Variants in ZHX3 observed in about 807,000 individuals in gnomAD.
The protein encoded by ZHX3 is zinc fingers and homeoboxes protein 3.
A neutral mutation model predicts 64.5 loss-of-function variants in ZHX3; 20 were observed. That is an observed-to-expected ratio of 0.31 (90% CI 0.22 to 0.45). The LOEUF (loss-of-function observed/expected upper bound fraction) is 0.45. Among genes scored for constraint, ZHX3 ranks in the 20% least tolerant of loss-of-function variants. ZHX3 has a pLI of 1.00. For synonymous variants in ZHX3, 423 were observed against 461.6 expected, an observed-to-expected ratio of 0.92 and a Z score of 1.07; for missense variants, 1,041 against 1,195.8, an observed-to-expected ratio of 0.87 and a Z score of 1.91.
At position 41,204,432 on chromosome 20, in the gene ZHX3, G is replaced by A. The variant is rs2146244074; in HGVS notation, c.485C>T (p.Pro162Leu). 1 of 1,614,202 alleles carries A rather than the reference G, an allele frequency of 6.2e-7. No homozygotes were observed. Among genetic ancestry groups the A allele is most frequent in the Non-Finnish European group, 8.5e-7 (1 of 1,180,046 alleles). ...EQSIPESTST[P>L]DLAGEPSAEG... ...AGCACTGGGCTCACCCGCTAGGTCA[G>A]GAGTGCTGGTGCTCTCAGGGATGCT... The change falls in exon 3 of 4, where the codon CCT becomes CTT. Residue 162 changes from proline to leucine, a missense_variant. By Grantham distance (98) the Pro-to-Leu change is moderately conservative (BLOSUM62 -3). This residue lies in a region of ZHX3 where 358 missense variants were observed against 369.1 expected (regional missense o/e 0.97). Transcript: ENST00000683867. This position sits in a 1 kb window ranked among gnomAD's most constrained non-coding sequence, Gnocchi z 6.6.
rs554644575 is a variant in ZHX3, at chr20:41,260,092, G to T, written c.-151+8898C>A. Among the ~76,000 whole-genome samples the T allele has an allele frequency of 4.0e-5, 6 of 151,650 alleles. No individual in the cohort carries two copies. In the South Asian group the frequency reaches 1.2e-3, roughly 31 times the overall value. On this transcript the variant is annotated intron_variant, in intron 2 of 3. Transcript: ENST00000683867. Reference sequence around the variant, plus strand: ...CTCCATGGATACAATAATGTAATTTGCTAATACTCATTTCTAATAAAAATA... The same window carrying T: ...CTCCATGGATACAATAATGTAATTTTCTAATACTCATTTCTAATAAAAATA...
At position 41,257,612 on chromosome 20, in the gene ZHX3, CT is replaced by C. The variant is rs1223401714; in HGVS notation, c.-151+11377del. Among the ~76,000 whole-genome samples, 297 of 137,800 alleles carry C rather than the reference CT, an allele frequency of 2.2e-3. 1 individual carries two copies. Among genetic ancestry groups the C allele is most frequent in the African/African-American group, 2.2e-3 (84 of 37,932 alleles). The allele number at this position is 137,800 out of a possible 152,430, so 90.4% of individuals were successfully genotyped here. On this transcript the variant is annotated intron_variant, in intron 2 of 3. Coordinates refer to ENST00000683867, the MANE Select transcript of ZHX3 (RefSeq NM_001384317.1). ...TGTCAGGATTTGTTTTCTTTTCTTT[CT>C]TTTTTTTTTTTTTTTTGAGACAGAG...
intron 2 of ZHX3, among the ~76,000 whole-genome samples, chr20:41,248,374 T>A (rs1483085996): frequency 6.6e-6 from 1 of 152,186 alleles, no homozygotes. Flanking sequence ...GCTAAAAGTA[T>A]AACAACACTC....
intron 2 of ZHX3, among the ~76,000 whole-genome samples, chr20:41,241,111 A>G (rs1448977093): frequency 6.6e-6 from 1 of 152,128 alleles, no homozygotes; most frequent in Non-Finnish European, 1.5e-5. Flanking sequence ...ACAGTGGGAA[A>G]TTACATTCCC....
chr20:41,190,688 T>C lies in ZHX3; in HGVS notation c.2861-5487A>G, dbSNP rs537068487. On this transcript the variant is annotated intron_variant, in intron 3 of 3. Coordinates refer to ENST00000683867, the MANE Select transcript of ZHX3 (RefSeq NM_001384317.1). The stretch of plus-strand genomic sequence containing the variant: ...GTTAAATGTCATGTTTTCACTTCCA[T>C]GTTTAGGACTCTTGTGAGCATTTCT... Among the ~76,000 whole-genome samples, 65 of 152,346 alleles carry C rather than the reference T, an allele frequency of 4.3e-4. No homozygotes were observed. The South Asian group carries it at 7.5e-3, about 17-fold the overall frequency.
In ZHX3 at chr20:41,203,173, C is replaced by A; in HGVS notation, c.1744G>T (p.Val582Phe). ...PEVSFSPSSKVPEVTCIPTTA... is the reference protein window; with the variant it reads ...PEVSFSPSSKFPEVTCIPTTA... The stretch of plus-strand genomic sequence containing the variant: ...GTCGGAATGCAGGTTACCTCAGGGA[C>A]CTTGGACGATGGGGAGAAGGACACC... The change falls in exon 3 of 4, where the codon GTC becomes TTC. Residue 582 changes from valine to phenylalanine, a missense_variant. Val to Phe is a conservative substitution (Grantham distance 50). Around this residue, in one of 4 missense-constraint regions of ZHX3, gnomAD observed 649 missense variants for 739.8 expected, o/e 0.88. Transcript: ENST00000683867. This position sits in a 1 kb window ranked among gnomAD's most constrained non-coding sequence, Gnocchi z 7.1. 6.2e-7 allele frequency: 1 copy of A among 1,614,072 alleles called. No individual in the cohort carries two copies. The highest frequency in any genetic ancestry group is 8.5e-7 in the Non-Finnish European group (1 of 1,180,022).
chr20:41,269,442 C>A (rs1277739253), intron 1 of ZHX3: 1 of 152,152 alleles, frequency 6.6e-6, no homozygotes, highest in East Asian at 1.9e-4. Flanking sequence ...CAAGGATGTG[C>A]TATTTTCTGA....
chr20:41,297,810 T>C (rs2044610075), intron 1 of ZHX3, among the ~76,000 whole-genome samples: 1 of 152,226 alleles, frequency 6.6e-6, no homozygotes, highest in African/African-American at 2.4e-5. Context: ...GTCTGTGCTG[T>C]CCAGGTGTCC....
intron 2 of ZHX3, among the ~76,000 whole-genome samples, chr20:41,205,866 C>T (rs994044506): frequency 3.9e-5 from 6 of 152,172 alleles, no homozygotes; most frequent in African/African-American, 1.4e-4. Flanking sequence ...GTCCCTGACC[C>T]CTGAGTAGCC....
At chr20:41,237,122 A>G (rs561005029) in intron 2 of ZHX3, among the ~76,000 whole-genome samples, 10 of 152,288 alleles carry the variant, frequency 6.6e-5, no homozygotes, top group East Asian at 5.8e-4. Flanking sequence ...AACAGGTGCT[A>G]GAGAGGATCT....
chr20:41,192,465 G>T (rs1020092263), intron 3 of ZHX3, among the ~76,000 whole-genome samples: 1 of 152,232 alleles, frequency 6.6e-6, no homozygotes, highest in Non-Finnish European at 1.5e-5. Context: ...TTCCATTGGA[G>T]AGCACAGGGT....
chr20:41,229,615 C>T (rs1468115372), intron 2 of ZHX3, among the ~76,000 whole-genome samples: 1 of 151,988 alleles, frequency 6.6e-6, no homozygotes, highest in Non-Finnish European at 1.5e-5. Flanking sequence ...GGGTGTGAGG[C>T]TGTATCTCAC....
intron 2 of ZHX3, among the ~76,000 whole-genome samples, chr20:41,230,640 A>ATTG: frequency 6.6e-6 from 1 of 152,210 alleles, no homozygotes; most frequent in East Asian, 1.9e-4. Context: ...ACATGTTAAA[A>ATTG]TATTAGTATT....
intron 2 of ZHX3, among the ~76,000 whole-genome samples, chr20:41,246,905 C>CAA (rs902520812): frequency 8.1e-6 from 1 of 122,884 alleles, no homozygotes; most frequent in African/African-American, 3.3e-5. Context: ...AACAAACAAA[C>CAA]AAAAAAAACT....
intron 1 of ZHX3, among the ~76,000 whole-genome samples, chr20:41,313,692 G>A (rs1465601362): frequency 6.7e-6 from 1 of 150,034 alleles, no homozygotes; most frequent in Non-Finnish European, 1.5e-5. Flanking sequence ...CCGCCTCCTG[G>A]GTTCACGCCA....
At chr20:41,189,854 T>A (rs981464271) in intron 3 of ZHX3, among the ~76,000 whole-genome samples, 14 of 152,182 alleles carry the variant, frequency 9.2e-5, no homozygotes, top group Admixed American at 3.3e-4. Context: ...GAACTTCCAG[T>A]ACTATGCTGA....
intron 1 of ZHX3, among the ~76,000 whole-genome samples, chr20:41,280,852 A>G (rs551705587): frequency 1.3e-5 from 2 of 152,318 alleles, no homozygotes; most frequent in African/African-American, 4.8e-5. Flanking sequence ...GGAAAGGAGG[A>G]TAAATCTAGA....
intron 1 of ZHX3, among the ~76,000 whole-genome samples, chr20:41,301,911 G>A (rs953816552): frequency 2.6e-5 from 4 of 151,338 alleles, no homozygotes; most frequent in African/African-American, 4.9e-5. Flanking sequence ...AAAATTAGCC[G>A]GGCGTAGTGG....
intron 1 of ZHX3, among the ~76,000 whole-genome samples, chr20:41,316,223 T>C (rs1483187983): frequency 6.6e-6 from 1 of 152,218 alleles, no homozygotes; most frequent in East Asian, 1.9e-4. Context: ...TTTGATACCA[T>C]CTTTCCAAGG....
Sources: allele counts gnomAD v4.1 joint callset (sites outside exome capture counted in the v4.1 genomes callset), GRCh38; gene constraint gnomAD v4.1.1; regional missense constraint gnomAD v4.1.1; non-coding constraint Gnocchi (gnomAD v3.1); transcripts MANE v1.5; gene names NCBI Gene and HGNC (gene_info 2026-07-23, HGNC 2026-07-21).